Variants in APLP1 observed in about 807,000 individuals in gnomAD.
The protein encoded by APLP1 is amyloid beta (A4) precursor-like protein 1.
A neutral mutation model predicts 84.5 loss-of-function variants in APLP1; 46 were observed. The observed-to-expected ratio is 0.54, with a 90% CI of 0.43 to 0.70. The LOEUF (loss-of-function observed/expected upper bound fraction) is 0.70, where lower values mean the gene tolerates loss of function less well. Among genes scored for constraint, APLP1 ranks in the 30% least tolerant of loss-of-function variants. The probability of loss-of-function intolerance (pLI) is 0.00; values close to 1 mark genes in which losing one functional copy is unlikely to be tolerated. For synonymous variants in APLP1, 376 were observed against 364.0 expected (o/e 1.03, Z -0.38); for missense variants, 826 against 900.2 (o/e 0.92, Z 1.05).
At chr19:35,876,639 C>T (rs753549128) in intron 11 of APLP1, 23 bp downstream of exon 11, 1 of 1,574,150 alleles carries the variant, frequency 6.4e-7, no homozygotes, top group Non-Finnish European at 8.7e-7. Flanking sequence ...TACCCTGGCT[C>T]CCATTACAGA....
In APLP1 at chr19:35,874,363, A is replaced by G; in HGVS notation, c.1057-141A>G. The G allele has an allele frequency of 1.0e-6, 1 of 1,000,794 alleles. No homozygotes were observed. Among genetic ancestry groups the G allele is most frequent in the Non-Finnish European group, 1.5e-6 (1 of 671,020 alleles). 62.0% of individuals were successfully genotyped at this position (1,000,794 alleles called of 1,614,324 possible). On this transcript the variant is annotated intron_variant, in intron 8 of 16. Coordinates refer to ENST00000221891, the MANE Select transcript of APLP1 (RefSeq NM_001024807.3). This position sits in a 1 kb window ranked among gnomAD's most constrained non-coding sequence, Gnocchi z 6.4. The stretch of plus-strand genomic sequence containing the variant: ...CCTGGCCCTGTAGCCCACCCCTTCC[A>G]GTCCATAACCTTTGGTTCTGCCCAG...
intron 7 of APLP1, among the ~76,000 whole-genome samples, chr19:35,873,395 C>G (rs1974205967): frequency 6.6e-6 from 1 of 151,890 alleles, no homozygotes; most frequent in Non-Finnish European, 1.5e-5. Flanking sequence ...CTACTGGTAC[C>G]CACCACAGCG....
chr19:35,878,601 G>T lies in APLP1; in HGVS notation c.1597G>T (p.Ala533Ser). 6.2e-7 allele frequency: 1 copy of T among 1,614,000 alleles called. No individual in the cohort carries two copies. The highest frequency in any genetic ancestry group is 8.5e-7 in the Non-Finnish European group (1 of 1,179,986). Reference sequence around the variant, plus strand: ...GGGGGTAGGGTCCACAGAACAAGATGCTGCATCCCCTGAGAAAGAGAAGAT... The same window carrying T: ...GGGGGTAGGGTCCACAGAACAAGATTCTGCATCCCCTGAGAAAGAGAAGAT... ...TLPKGSTEQD[A>S]ASPEKEKMNP... Residue 533 changes from alanine (A) to serine (S), a missense_variant, in exon 14 of 17, where the codon GCT becomes TCT. By Grantham distance (99) the Ala-to-Ser change is moderately conservative. Coordinates refer to ENST00000221891, the MANE Select transcript of APLP1 (RefSeq NM_001024807.3).
chr19:35,871,040 G>T lies in APLP1; in HGVS notation c.424+12G>T. On this transcript the variant is annotated intron_variant, in intron 3 of 16. Coordinates refer to ENST00000221891, the MANE Select transcript of APLP1 (RefSeq NM_001024807.3). ...CTTCCGCTGCCTGCGTGAGTCCCAG[G>T]CGGGGAGAGGGGAACTGAGGTGGGA... is the stretch of plus-strand genomic sequence containing the variant. The T allele has an allele frequency of 6.6e-7, 1 of 1,515,098 alleles. No homozygotes were observed. The allele number at this position is 1,515,098 out of a possible 1,614,324, so 93.9% of individuals were successfully genotyped here. A position where few individuals can be genotyped will look rare whatever the true frequency, so the allele number is the denominator to read the frequency against.
At chr19:35,870,067 T>G (rs1472752119) in intron 2 of APLP1, 5 of 485,188 alleles carry the variant, frequency 1.0e-5, no homozygotes, top group South Asian at 2.9e-5. Flanking sequence ...TAGGGGGGAG[T>G]GGCGAAAGGA....
In APLP1 at chr19:35,876,633, C is replaced by T. The variant is rs766128690; in HGVS notation, c.1444+17C>T. 1.3e-6 allele frequency: 2 copies of T among 1,591,760 alleles called. No individual in the cohort carries two copies. Among genetic ancestry groups the T allele is most frequent in the Admixed American group, 1.7e-5 (1 of 57,306 alleles). On this transcript the variant is annotated intron_variant, in intron 11 of 16. Transcript: ENST00000221891. ...CCCAAATCCGTGAGTGTCTATTACCCTGGCTCCCATTACAGATCTCTGAGG... is the reference window on the plus strand; with the variant it reads ...CCCAAATCCGTGAGTGTCTATTACCTTGGCTCCCATTACAGATCTCTGAGG...
In APLP1 at chr19:35,879,631, C is replaced by A. The variant is rs1974373287; in HGVS notation, c.*190C>A. ...CCATCCCTAAGAATTCCCAGATAGT[C>A]CCAGCAGCCTCCCCACGTGGCACCT... On this transcript the variant is annotated 3_prime_UTR_variant, in exon 17 of 17. Coordinates refer to ENST00000221891, the MANE Select transcript of APLP1 (RefSeq NM_001024807.3). 2 of 585,034 alleles carry A rather than the reference C, an allele frequency of 3.4e-6. No individual in the cohort carries two copies. The highest frequency in any genetic ancestry group is 6.0e-6 in the Non-Finnish European group (2 of 333,828). The allele number at this position is 585,034 out of a possible 1,614,324, so 36.2% of individuals were successfully genotyped here. A position where few individuals can be genotyped will look rare whatever the true frequency, so the allele number is the denominator to read the frequency against.
In APLP1 at chr19:35,871,975, T is replaced by C. The variant is rs1266561913; in HGVS notation, c.789T>C (p.Ala263=). 6.2e-7 allele frequency: 1 copy of C among 1,613,954 alleles called. No homozygotes were observed. Among genetic ancestry groups the C allele is most frequent in the Non-Finnish European group, 8.5e-7 (1 of 1,180,020 alleles). ...ATTACTTCGTGGAGCCTCCGCAGGC[T>C]GAAGAGGAAGAGGAAACGGTCCCAC... ...VDDYFVEPPQ[A]EEEEETVPPP... The change falls in exon 6 of 17, where the codon GCT becomes GCC. Residue 263 remains alanine, a synonymous_variant. Coordinates refer to ENST00000221891, the MANE Select transcript of APLP1 (RefSeq NM_001024807.3).
At chr19:35,872,090 TGGGGGAGTCTTGCTG>T in intron 6 of APLP1, 54 bp downstream of exon 6, 1 of 1,566,440 alleles carries the variant, frequency 6.4e-7, no homozygotes, top group South Asian at 1.2e-5. Context: ...GAGAAAGATC[TGGGGGAGTCTTGCTG>T]GGGGGTGTCT....
At chr19:35,869,047 AG>A (rs1357684767) in intron 1 of APLP1, 7 of 340,662 alleles carry the variant, frequency 2.1e-5, no homozygotes, top group Non-Finnish European at 3.6e-5. Flanking sequence ...CTCCAGACCC[AG>A]GTGACTCGGC....
chr19:35,879,536 G>A lies in APLP1; in HGVS notation c.*95G>A. The A allele has an allele frequency of 9.5e-7, 1 of 1,049,120 alleles. No individual in the cohort carries two copies. The highest frequency in any genetic ancestry group is 1.4e-5 in the South Asian group (1 of 72,310). The allele number at this position is 1,049,120 out of a possible 1,614,324, so 65.0% of individuals were successfully genotyped here. ...CCAGCCTAGGGCAGCAGGGAGTCTT[G>A]AAGTGATCATTTCACACCCTTTTGT... On this transcript the variant is annotated 3_prime_UTR_variant, in exon 17 of 17. Coordinates refer to ENST00000221891, the MANE Select transcript of APLP1 (RefSeq NM_001024807.3).
intron 10 of APLP1, among the ~76,000 whole-genome samples, chr19:35,876,050 C>T (rs1252074900): frequency 1.3e-5 from 2 of 152,258 alleles, no homozygotes; most frequent in African/African-American, 4.8e-5. Flanking sequence ...GCTGGGATTA[C>T]AGGCATGAGC....
chr19:35,878,692 A>G (rs1275042167), intron 14 of APLP1, 38 bp downstream of exon 14: 3 of 1,610,888 alleles, frequency 1.9e-6, no homozygotes. Flanking sequence ...TAAGGGGAAC[A>G]AGATCGGGGC....
chr19:35,872,526 T>C lies in APLP1; in HGVS notation c.894T>C (p.Phe298=). Reference sequence around the variant, plus strand: ...CCACAGACGGTGTGGATATTTACTTTGGCATGCCTGGGGAAATCAGTGAGC... The same window carrying C: ...CCACAGACGGTGTGGATATTTACTTCGGCATGCCTGGGGAAATCAGTGAGC... ...PRPTDGVDIY[F]GMPGEISEHE... Residue 298 remains phenylalanine, a synonymous_variant, in exon 7 of 17, where the codon TTT becomes TTC. Coordinates refer to ENST00000221891, the MANE Select transcript of APLP1 (RefSeq NM_001024807.3). 6.2e-7 allele frequency: 1 copy of C among 1,613,788 alleles called. No individual in the cohort carries two copies. The highest frequency in any genetic ancestry group is 1.1e-5 in the South Asian group (1 of 91,064).
intron 6 of APLP1, 58 bp downstream of exon 6, chr19:35,872,094 G>A: frequency 6.4e-7 from 1 of 1,567,924 alleles, no homozygotes; most frequent in Non-Finnish European, 8.7e-7. Flanking sequence ...AAGATCTGGG[G>A]GAGTCTTGCT....
intron 11 of APLP1, among the ~76,000 whole-genome samples, 174 bp downstream of exon 11, chr19:35,876,790 C>T (rs575341862): frequency 2.0e-5 from 3 of 152,240 alleles, no homozygotes; most frequent in Admixed American, 6.5e-5. Context: ...GGTCTGCGCT[C>T]AGCAGAGTGG....
At position 35,870,904 on chromosome 19, in the gene APLP1, G is replaced by A. The variant is rs1300466448; in HGVS notation, c.300G>A (p.Pro100=). The A allele has an allele frequency of 1.9e-6, 3 of 1,604,470 alleles. No individual in the cohort carries two copies. The highest frequency in any genetic ancestry group is 2.5e-6 in the Non-Finnish European group (3 of 1,176,550). The stretch of plus-strand genomic sequence containing the variant: ...CCATCTGATCCCCCCAGATGTACCC[G>A]GAGCTGCAGATTGCACGTGTGGAGC... ...RVLEYCRQMY[P]ELQIARVEQA... Residue 100 remains proline (P), a synonymous_variant, in exon 3 of 17, where the codon CCG becomes CCA. Transcript: ENST00000221891.
Position 35,872,632 on chromosome 19 carries a change from C to T in APLP1, c.981+19C>T. 1 of 1,609,166 alleles carries T rather than the reference C, an allele frequency of 6.2e-7. No homozygotes were observed. The highest frequency in any genetic ancestry group is 8.5e-7 in the Non-Finnish European group (1 of 1,177,300). On this transcript the variant is annotated intron_variant, in intron 7 of 16. Coordinates refer to ENST00000221891, the MANE Select transcript of APLP1 (RefSeq NM_001024807.3). ...TAATGAGGTGATAATACTGGGGGCC[C>T]CAGGACCCCCTACAGTACAGAGCTC...
rs1245060209 is a variant in APLP1 at position 35,879,508 on chromosome 19, C to T, written c.*67C>T. On this transcript the variant is annotated 3_prime_UTR_variant, in exon 17 of 17. Transcript: ENST00000221891. ...TCTTCCTGGAGCCCCAGAACCCCAACTCCCAGCCTAGGGCAGCAGGGAGTC... is the reference window on the plus strand; with the variant it reads ...TCTTCCTGGAGCCCCAGAACCCCAATTCCCAGCCTAGGGCAGCAGGGAGTC... 10 of 1,404,304 alleles carry T rather than the reference C, an allele frequency of 7.1e-6. No homozygotes were observed. The highest frequency in any genetic ancestry group is 1.7e-5 in the Admixed American group (1 of 57,984). 87.0% of individuals were successfully genotyped at this position (1,404,304 alleles called of 1,614,324 possible).
Sources: allele counts gnomAD v4.1 joint callset (sites outside exome capture counted in the v4.1 genomes callset), GRCh38; gene constraint gnomAD v4.1.1; non-coding constraint Gnocchi (gnomAD v3.1); transcripts MANE v1.5; gene names NCBI Gene and HGNC (gene_info 2026-07-23, HGNC 2026-07-21).